The following DNM3 variants were observed in gnomAD, a reference collection of about 807,000 sequenced individuals.
DNM3 encodes the protein dynamin 3, also known as dynamin-3.
In DNM3, 47 loss-of-function variants were observed where a neutral mutation model predicts 101.6. That is an observed-to-expected ratio of 0.46 (90% CI 0.37 to 0.59). The LOEUF (loss-of-function observed/expected upper bound fraction) is 0.59. Ranked by LOEUF, DNM3 falls within the 20% of genes least tolerant of loss-of-function variation. The pLI, the probability that DNM3 is intolerant of heterozygous loss-of-function variation, is 0.00. For missense variants in DNM3, 849 were observed against 1,085.7 expected, an observed-to-expected ratio of 0.78 and a Z score of 3.06; for synonymous variants, 385 against 387.9, an observed-to-expected ratio of 0.99 and a Z score of 0.09.
intron 2 of DNM3, among the ~76,000 whole-genome samples, chr1:171,982,350 T>C (rs373878242): frequency 3.4e-4 from 52 of 152,272 alleles, no homozygotes; most frequent in African/African-American, 1.2e-3. Flanking sequence ...ATTATCATCA[T>C]AGAGACAAGA....
At chr1:172,013,133 T>C (rs1471978232) in intron 4 of DNM3, among the ~76,000 whole-genome samples, 2 of 152,044 alleles carry the variant, frequency 1.3e-5, no homozygotes, top group Non-Finnish European at 2.9e-5. Flanking sequence ...TTTTTCATTG[T>C]TGTTGTTCCA....
intron 2 of DNM3, among the ~76,000 whole-genome samples, chr1:171,976,024 TA>T (rs1392079636): frequency 2.6e-5 from 4 of 151,942 alleles, no homozygotes; most frequent in African/African-American, 9.7e-5. Flanking sequence ...GGCATTGGCA[TA>T]AAGAGACAAA....
At chr1:172,207,821 A>G (rs1161660816) in intron 14 of DNM3, among the ~76,000 whole-genome samples, 1 of 152,126 alleles carries the variant, frequency 6.6e-6, no homozygotes, top group Non-Finnish European at 1.5e-5. Flanking sequence ...AGAATTTAAA[A>G]AATCACCTTA....
chr1:172,195,411 T>A (rs990632921), intron 14 of DNM3, among the ~76,000 whole-genome samples: 2 of 151,896 alleles, frequency 1.3e-5, no homozygotes, highest in Admixed American at 6.6e-5. Flanking sequence ...GTATTTCTCT[T>A]ATTTCCTTTT....
intron 17 of DNM3, among the ~76,000 whole-genome samples, chr1:172,331,771 A>G (rs1034323782): frequency 1.3e-5 from 2 of 152,192 alleles, no homozygotes; most frequent in African/African-American, 4.8e-5. Flanking sequence ...TTGAATACAT[A>G]TGACAGAAAA....
At chr1:172,210,289 A>G (rs1411708341) in intron 14 of DNM3, among the ~76,000 whole-genome samples, 1 of 146,426 alleles carries the variant, frequency 6.8e-6, no homozygotes, top group Admixed American at 6.8e-5. Context: ...TCAAATATAT[A>G]GGTAATTAAG....
chr1:171,974,040 G>A (rs2044205645), intron 2 of DNM3, among the ~76,000 whole-genome samples: 1 of 151,984 alleles, frequency 6.6e-6, no homozygotes, highest in East Asian at 1.9e-4. Flanking sequence ...TGTAGGCATG[G>A]CTGACTCTTG....
At chr1:172,069,027 A>G (rs1270581800) in intron 11 of DNM3, 122 bp downstream of exon 11, 3 of 693,448 alleles carry the variant, frequency 4.3e-6, no homozygotes, top group Non-Finnish European at 7.4e-6. Context: ...AGTGGAACAC[A>G]ACTACATTAT....
intron 14 of DNM3, among the ~76,000 whole-genome samples, chr1:172,145,617 TG>T (rs1484510754): frequency 6.6e-6 from 1 of 152,176 alleles, no homozygotes; most frequent in African/African-American, 2.4e-5. Context: ...CTATTTTGGC[TG>T]GGTCTCTGAA....
chr1:171,884,700 G>A (rs771518375), intron 1 of DNM3, among the ~76,000 whole-genome samples: 1 of 152,168 alleles, frequency 6.6e-6, no homozygotes, highest in Non-Finnish European at 1.5e-5. Context: ...TTCTCTTGTG[G>A]TTTCCCATCC....
At position 172,251,583 on chromosome 1, in the gene DNM3, G is replaced by A. The variant is rs187801620; in HGVS notation, c.1660-1990G>A. ...TTCATGTTCCCCAGGCTGCATATGTGTGTGTATTTCTCTCATGTTTAATAT... is the reference window on the plus strand; with the variant it reads ...TTCATGTTCCCCAGGCTGCATATGTATGTGTATTTCTCTCATGTTTAATAT... On this transcript the variant is annotated intron_variant, in intron 14 of 20. Transcript: ENST00000627582. Among the ~76,000 whole-genome samples the A allele has an allele frequency of 1.9e-3, 292 of 152,176 alleles. 1 individual carries two copies. The highest frequency in any genetic ancestry group is 3.3e-3 in the Non-Finnish European group (221 of 67,998).
At chr1:172,201,125 A>C (rs950448405) in intron 14 of DNM3, among the ~76,000 whole-genome samples, 3 of 152,042 alleles carry the variant, frequency 2.0e-5, no homozygotes, top group Non-Finnish European at 2.9e-5. Context: ...GTTTAAGAGG[A>C]TGATATGTTA....
chr1:171,937,920 A>G (rs2041554046), intron 2 of DNM3, among the ~76,000 whole-genome samples: 2 of 152,130 alleles, frequency 1.3e-5, no homozygotes, highest in Admixed American at 6.6e-5. Flanking sequence ...AGTTGCTTCT[A>G]AAGCTGTTGG....
At chr1:172,377,553 CAT>C (rs34612864) in intron 17 of DNM3, among the ~76,000 whole-genome samples, 45,452 of 123,136 alleles carry the variant, frequency 0.37, 9,109 homozygotes, top group East Asian at 0.63. Context: ...TGATATATAT[CAT>C]ATATATATAT....
chr1:171,978,145 G>C (rs1241349800), intron 2 of DNM3, among the ~76,000 whole-genome samples: 1 of 152,118 alleles, frequency 6.6e-6, no homozygotes, highest in African/African-American at 2.4e-5. Context: ...GGGTAAGACA[G>C]ATAATGCTCC....
At chr1:172,318,924 C>T (rs1427859745) in intron 16 of DNM3, among the ~76,000 whole-genome samples, 127 of 152,082 alleles carry the variant, frequency 8.4e-4, no homozygotes, top group African/African-American at 2.6e-3. Flanking sequence ...GAGCCTGCAT[C>T]GCCAAGTCAA....
chr1:172,213,517 CA>C (rs57339395), intron 14 of DNM3, among the ~76,000 whole-genome samples: 21,811 of 79,162 alleles, frequency 0.28, 1,781 homozygotes, highest in Middle Eastern at 0.4. Flanking sequence ...TCCATTGTTA[CA>C]AAAAAAAAAA....
intron 17 of DNM3, among the ~76,000 whole-genome samples, chr1:172,338,341 G>A (rs978982906): frequency 2.6e-5 from 4 of 152,102 alleles, no homozygotes; most frequent in African/African-American, 4.8e-5. Flanking sequence ...TTTTCCTTCC[G>A]TTACCATTGA....
chr1:171,853,588 T>G (rs2033233715), intron 1 of DNM3, among the ~76,000 whole-genome samples: 1 of 152,226 alleles, frequency 6.6e-6, no homozygotes, highest in Non-Finnish European at 1.5e-5. Flanking sequence ...GTTTCCTTTT[T>G]TTATTTTTAA....
Sources: allele counts gnomAD v4.1 joint callset (sites outside exome capture counted in the v4.1 genomes callset), GRCh38; gene constraint gnomAD v4.1.1; transcripts MANE v1.5; gene names NCBI Gene and HGNC (gene_info 2026-07-23, HGNC 2026-07-21).